The following MXRA5 variants were observed in gnomAD, a reference collection of about 807,000 sequenced individuals.
MXRA5 encodes matrix-remodeling-associated protein 5.
A neutral mutation model predicts 112.5 loss-of-function variants in MXRA5; 41 were observed. The ratio of observed to expected loss-of-function variants is 0.36; its 90% confidence interval spans 0.28 to 0.47. MXRA5 has a LOEUF of 0.47. MXRA5 is among the 20% of genes least tolerant of loss of function. The probability of loss-of-function intolerance (pLI) is 0.99; values close to 1 mark genes in which losing one functional copy is unlikely to be tolerated. For missense variants in MXRA5, 2,150 were observed against 2,251.0 expected (o/e 0.96, Z 0.91); for synonymous variants, 862 against 900.8 (o/e 0.96, Z 0.77).
chrX:3,342,697 T>C (rs1336622061), intron 2 of MXRA5, among the ~76,000 whole-genome samples: 1 of 112,436 alleles, frequency 8.9e-6, no homozygotes, highest in Non-Finnish European at 1.9e-5. Flanking sequence ...CAGGGAAGTT[T>C]CCATCTTACT....
intron 6 of MXRA5, among the ~76,000 whole-genome samples, 184 bp downstream of exon 6, chrX:3,316,919 G>A (rs12010121): frequency 0.046 from 5,083 of 110,886 alleles, 286 homozygotes; most frequent in African/African-American, 0.16. Context: ...CAAGTGATCC[G>A]CCCGCCTCGT....
rs1198451295 is a variant in MXRA5, at chrX:3,323,710, C to T, written c.1975G>A (p.Ala659Thr). The change falls in exon 5 of 7, where the codon GCA becomes ACA. Residue 659 changes from alanine to threonine, a missense_variant. Physicochemically the swap from Ala to Thr is moderately conservative, Grantham distance 58 (BLOSUM62 0). Transcript: ENST00000217939. ...GTGATTCCCACCGTAAAATGGTCTG[C>T]CCCTTGCTGGTTGACAGCCACACAT... is the stretch of plus-strand genomic sequence containing the variant. Reference protein sequence around the residue: ...YRCVAVNQQGADHFTVGITVT... With the variant: ...YRCVAVNQQGTDHFTVGITVT... 8 of 1,209,337 alleles carry T rather than the reference C, an allele frequency of 6.6e-6. No individual in the cohort carries two copies. In the Admixed American group the frequency reaches 1.5e-4, roughly 23 times the overall value.
chrX:3,327,724 C>T (rs1231421023), intron 4 of MXRA5, among the ~76,000 whole-genome samples: 1 of 112,841 alleles, frequency 8.9e-6, no homozygotes, highest in Admixed American at 9.4e-5. Context: ...TGCAGAAACT[C>T]CACCATCTGT....
rs758500843 is a variant in MXRA5, at chrX:3,317,666, G to A, written c.6015C>T (p.His2005=). 6 of 1,202,443 alleles carry A rather than the reference G, an allele frequency of 5.0e-6. No individual in the cohort carries two copies. The Admixed American group carries it at 1.3e-4, about 26-fold the overall frequency. The change falls in exon 6 of 7, where the codon CAC becomes CAT. Residue 2005 remains histidine, a synonymous_variant. Coordinates refer to ENST00000217939, the MANE Select transcript of MXRA5 (RefSeq NM_015419.4). ...VSPVEGRITL[H]ENRTLSIKEA... ...CCTTGATGGAAAGGGTCCGGTTTTC[G>A]TGCAGGGTGATGCGGCCCTCCACGG... is the stretch of plus-strand genomic sequence containing the variant.
intron 2 of MXRA5, among the ~76,000 whole-genome samples, chrX:3,339,293 C>T (rs1315350428): frequency 9.2e-6 from 1 of 109,260 alleles, no homozygotes; most frequent in South Asian, 4.1e-4. Context: ...GAGATGGCGT[C>T]TCGCTCTGTC....
intron 2 of MXRA5, among the ~76,000 whole-genome samples, chrX:3,338,330 CATAG>C (rs1921827067): frequency 9.0e-6 from 1 of 110,810 alleles, no homozygotes; most frequent in Admixed American, 9.6e-5. Flanking sequence ...TAACTATTGT[CATAG>C]ATAGATGATA....
At position 3,330,784 on chromosome X, in the gene MXRA5, G is replaced by T. The variant is rs1569186180; in HGVS notation, c.189-11C>A. The T allele has an allele frequency of 1.9e-6, 2 of 1,056,503 alleles. No homozygotes were observed. Among genetic ancestry groups the T allele is most frequent in the African/African-American group, 1.9e-5 (1 of 52,465 alleles). The allele number at this position is 1,056,503 out of a possible 1,213,427, so 87.1% of individuals were successfully genotyped here. A position where few individuals can be genotyped will look rare whatever the true frequency, so the allele number is the denominator to read the frequency against. On this transcript the variant is annotated splice_polypyrimidine_tract_variant and intron_variant, in intron 2 of 6. Transcript: ENST00000217939. ...TGTATGCTATTAAACCTAAAGAATG[G>T]TAATAATAATAATAACAATAATAAT...
At position 3,310,796 on chromosome X, in the gene MXRA5, T is replaced by C; in HGVS notation, c.7407A>G (p.Glu2469=). 1 of 1,208,768 alleles carries C rather than the reference T, an allele frequency of 8.3e-7. No individual in the cohort carries two copies. The highest frequency in any genetic ancestry group is 1.8e-5 in the South Asian group (1 of 56,536). The change falls in exon 7 of 7, where the codon GAA becomes GAG. Residue 2469 remains glutamate (E), a synonymous_variant. Transcript: ENST00000217939. ...GSRKLIDCKA[E]GIPTPRVLWA... ...ATAACACCCTCGGGGTGGGGATGCC[T>C]TCAGCTTTGCAGTCAATCAGTTTCC...
intron 5 of MXRA5, among the ~76,000 whole-genome samples, chrX:3,319,581 T>C (rs1345341864): frequency 8.9e-6 from 1 of 112,654 alleles, no homozygotes; most frequent in Non-Finnish European, 1.9e-5. Context: ...AAGACTCCAG[T>C]AACTTTCTCC....
At chrX:3,334,393 C>CT (rs1349767668) in intron 2 of MXRA5, among the ~76,000 whole-genome samples, 11 of 111,279 alleles carry the variant, frequency 9.9e-5, no homozygotes, top group Non-Finnish European at 1.5e-4. Context: ...ACTGAGGATT[C>CT]TTTTTTCAGA....
intron 1 of MXRA5, among the ~76,000 whole-genome samples, chrX:3,344,362 T>C (rs1922059207): frequency 8.9e-6 from 1 of 112,234 alleles, no homozygotes. Context: ...TTCTAGCTTC[T>C]TGAAGAGCTT....
In MXRA5 at chrX:3,311,156, C is replaced by T. The variant is rs1461362390; in HGVS notation, c.7047G>A (p.Arg2349=). Residue 2349 remains arginine, a synonymous_variant, in exon 7 of 7, where the codon CGG becomes CGA. Coordinates refer to ENST00000217939, the MANE Select transcript of MXRA5 (RefSeq NM_015419.4). ...VKVVTAPATI[R]NKTYLAVQVP... ...CCTGAACCGCCAAGTAAGTCTTGTT[C>T]CGGATGGTGGCGGGCGCTGTCACCA... 1 of 1,211,738 alleles carries T rather than the reference C, an allele frequency of 8.3e-7. No homozygotes were observed.
intron 2 of MXRA5, among the ~76,000 whole-genome samples, chrX:3,341,444 T>C (rs867646791): frequency 3.1e-4 from 4 of 13,068 alleles, no homozygotes; most frequent in South Asian, 7.9e-3. Flanking sequence ...ATATTATTAT[T>C]ATATATAATA....
At position 3,324,520 on chromosome X, in the gene MXRA5, C is replaced by T. The variant is rs776416507; in HGVS notation, c.1165G>A (p.Val389Met). ...AGCATGAGCTCTCTGTGTAGCTTCACGGGAACTTCACTGTAGTATGCTATC... is the reference window on the plus strand; with the variant it reads ...AGCATGAGCTCTCTGTGTAGCTTCATGGGAACTTCACTGTAGTATGCTATC... ...KLIAYYSEVP[V>M]KLHRELMLSK... The change falls in exon 5 of 7, where the codon GTG becomes ATG. Residue 389 changes from valine (V) to methionine (M), a missense_variant. By Grantham distance (21) the Val-to-Met change is conservative. This residue lies in a region of MXRA5 where 386 missense variants were observed against 411.0 expected (regional missense o/e 0.94). Transcript: ENST00000217939. The T allele has an allele frequency of 2.1e-5, 26 of 1,209,338 alleles. No homozygotes were observed. The highest frequency in any genetic ancestry group is 1.1e-4 in the Admixed American group (5 of 45,604).
intron 1 of MXRA5, among the ~76,000 whole-genome samples, chrX:3,345,879 G>T (rs1922096477): frequency 8.9e-6 from 1 of 112,648 alleles, no homozygotes; most frequent in South Asian, 3.6e-4. Context: ...GCGAGTCCCC[G>T]CCGCCCGGGA....
In MXRA5 at chrX:3,320,907, T is replaced by G. The variant is rs751550302; in HGVS notation, c.4778A>C (p.Gln1593Pro). Residue 1593 changes from glutamine (Q) to proline (P), a missense_variant, in exon 5 of 7, where the codon CAA (glutamine) becomes CCA (proline). By Grantham distance (76) the Gln-to-Pro change is moderately conservative. Coordinates refer to ENST00000217939, the MANE Select transcript of MXRA5 (RefSeq NM_015419.4). ...SRSLPRGPDS[Q>P]RQDGRVHASH... ...AGCATGAACTCTTCCATCCTGGCGT[T>G]GGCTATCTGGGCCACGTGGTAGACT... 6.6e-6 allele frequency: 8 copies of G among 1,210,257 alleles called. No individual in the cohort carries two copies. Among genetic ancestry groups the G allele is most frequent in the Non-Finnish European group, 8.9e-6 (8 of 895,375 alleles).
chrX:3,343,783 A>G lies in MXRA5; in HGVS notation c.51T>C (p.Leu17=), dbSNP rs1437808222. 8.3e-7 allele frequency: 1 copy of G among 1,209,650 alleles called. No individual in the cohort carries two copies. The highest frequency in any genetic ancestry group is 1.7e-5 in the African/African-American group (1 of 57,241). Residue 17 remains leucine (L), a synonymous_variant, in exon 2 of 7, where the codon CTT becomes CTC. Transcript: ENST00000217939. ...CCAGCGCCACTCGCGGATGGCCCCAAAGCAGGATCAGCACCACGGAGAGGG... is the reference window on the plus strand; with the variant it reads ...CCAGCGCCACTCGCGGATGGCCCCAGAGCAGGATCAGCACCACGGAGAGGG... ...WGALSVVLIL[L]WGHPRVALAC...
intron 4 of MXRA5, among the ~76,000 whole-genome samples, chrX:3,326,134 TAAA>T (rs1174705480): frequency 0.09 from 17 of 189 alleles, no homozygotes; most frequent in East Asian, 0.14. Flanking sequence ...TTTATATATA[TAAA>T]TTATATGTAA....
At chrX:3,325,276 C>T (rs1234998103) in intron 4 of MXRA5, among the ~76,000 whole-genome samples, 1 of 110,911 alleles carries the variant, frequency 9.0e-6, no homozygotes, top group Non-Finnish European at 1.9e-5. Context: ...AAGAAAACAA[C>T]TTCATTCACA....
Sources: allele counts gnomAD v4.1 joint callset (sites outside exome capture counted in the v4.1 genomes callset), GRCh38; gene constraint gnomAD v4.1.1; regional missense constraint gnomAD v4.1.1; transcripts MANE v1.5; gene names NCBI Gene and HGNC (gene_info 2026-07-23, HGNC 2026-07-21).